PARK7: variants seen among roughly 807,000 people sequenced by gnomAD.
PARK7 encodes the protein Parkinson disease protein 7.
PARK7 carries 14 observed loss-of-function variants against 20.5 expected under a neutral mutation model. That is an observed-to-expected ratio of 0.68 (90% confidence interval 0.45 to 1.07). PARK7 has a LOEUF of 1.07. Among genes scored for constraint, PARK7 ranks in the 50% least tolerant of loss-of-function variants. PARK7 has a pLI of 0.00. For synonymous variants in PARK7, 98 were observed against 84.3 expected (o/e 1.16, Z -0.89); for missense variants, 234 against 238.1 (o/e 0.98, Z 0.11).
At position 7,985,139 on chromosome 1, in the gene PARK7, G is replaced by T; in HGVS notation, c.*85G>T. ...GTTCGCTCTAAACAAAACAGTGGTA[G>T]GTTAATGTGTTCAGAAGTCGCTGTC... On this transcript the variant is annotated 3_prime_UTR_variant, in exon 7 of 7. Transcript: ENST00000338639. The T allele has an allele frequency of 6.5e-7, 1 of 1,535,362 alleles. No homozygotes were observed. Among genetic ancestry groups the T allele is most frequent in the Admixed American group, 1.9e-5 (1 of 51,712 alleles).
At chr1:7,979,782 G>A (rs1640671348) in intron 6 of PARK7, among the ~76,000 whole-genome samples, 1 of 152,210 alleles carries the variant, frequency 6.6e-6, no homozygotes, top group Non-Finnish European at 1.5e-5. Context: ...GATTACAGAT[G>A]TGAGCCACTG....
chr1:7,982,227 T>C (rs1640727434), intron 6 of PARK7, among the ~76,000 whole-genome samples: 1 of 151,580 alleles, frequency 6.6e-6, no homozygotes, highest in Non-Finnish European at 1.5e-5. Context: ...CCTCAGGTGA[T>C]CCACCTGCCT....
rs1418733118 is a variant in PARK7, at chr1:7,965,403, G to C, written c.170G>C (p.Ser57Thr). The change falls in exon 3 of 7, where the codon AGC becomes ACC. Residue 57 changes from serine to threonine, a missense_variant. Transcript: ENST00000338639. ...GATGTGGTCATTTGTCCTGATGCCAGCCTTGAAGATGCAAAAAAAGAGGTT... is the reference window on the plus strand; with the variant it reads ...GATGTGGTCATTTGTCCTGATGCCACCCTTGAAGATGCAAAAAAAGAGGTT... ...SRDVVICPDA[S>T]LEDAKKEGPY... 3.7e-6 allele frequency: 6 copies of C among 1,614,064 alleles called. No homozygotes were observed. The highest frequency in any genetic ancestry group is 2.7e-5 in the African/African-American group (2 of 74,930).
intron 4 of PARK7, 133 bp downstream of exon 4, chr1:7,969,537 T>G: frequency 2.8e-6 from 2 of 724,720 alleles, no homozygotes; most frequent in South Asian, 3.3e-5. Context: ...GAAAAAAAAA[T>G]AGAAACAACT....
chr1:7,970,751 C>T, intron 4 of PARK7, 143 bp from the exon 5 acceptor site: 1 of 783,676 alleles, frequency 1.3e-6, no homozygotes, highest in Non-Finnish European at 2.2e-6. Flanking sequence ...CATTTTTATA[C>T]CAATGATTTA....
intron 5 of PARK7, among the ~76,000 whole-genome samples, chr1:7,972,981 C>T (rs1254240543): frequency 2.6e-5 from 4 of 151,956 alleles, no homozygotes; most frequent in Non-Finnish European, 4.4e-5. Context: ...ACCCGGGCGG[C>T]GGAGGTTGCA....
At chr1:7,969,086 AAGG>A (rs1640394391) in intron 3 of PARK7, 1 of 421,484 alleles carries the variant, frequency 2.4e-6, no homozygotes, top group South Asian at 3.1e-5. Context: ...CTTTTACAGG[AAGG>A]AGATTATACT....
intron 5 of PARK7, among the ~76,000 whole-genome samples, chr1:7,977,406 C>T (rs1640608428): frequency 6.6e-6 from 1 of 152,146 alleles, no homozygotes; most frequent in Non-Finnish European, 1.5e-5. Flanking sequence ...AGAATCGTAG[C>T]TGTATGTTTG....
At chr1:7,969,819 C>T (rs561091260) in intron 4 of PARK7, among the ~76,000 whole-genome samples, 1 of 151,918 alleles carries the variant, frequency 6.6e-6, no homozygotes, top group African/African-American at 2.4e-5. Context: ...ACCTCGTGAT[C>T]CGCCCACCTC....
At chr1:7,983,161 C>G (rs188433897) in intron 6 of PARK7, among the ~76,000 whole-genome samples, 6 of 152,318 alleles carry the variant, frequency 3.9e-5, no homozygotes, top group African/African-American at 1.4e-4. Context: ...CAGACGTTTC[C>G]TAAGCTCCTC....
intron 5 of PARK7, among the ~76,000 whole-genome samples, chr1:7,975,225 A>G (rs1372728100): frequency 6.6e-6 from 1 of 152,208 alleles, no homozygotes; most frequent in Non-Finnish European, 1.5e-5. Context: ...CCTAGTCCTT[A>G]ATATTGAGTG....
At chr1:7,982,486 T>C (rs1031278199) in intron 6 of PARK7, among the ~76,000 whole-genome samples, 2 of 152,206 alleles carry the variant, frequency 1.3e-5, no homozygotes, top group Non-Finnish European at 2.9e-5. Context: ...CGCCACTAGG[T>C]GGAGGCAGTT....
At chr1:7,977,170 C>G (rs948463527) in intron 5 of PARK7, among the ~76,000 whole-genome samples, 1 of 152,140 alleles carries the variant, frequency 6.6e-6, no homozygotes, top group Admixed American at 6.6e-5. Flanking sequence ...TGATCCTCCC[C>G]CTCCTTTGGA....
At chr1:7,967,309 A>G (rs1383841573) in intron 3 of PARK7, among the ~76,000 whole-genome samples, 1 of 151,528 alleles carries the variant, frequency 6.6e-6, no homozygotes, top group Non-Finnish European at 1.5e-5. Flanking sequence ...TTCTTTATGC[A>G]TTCATCTGTT....
chr1:7,966,140 C>T (rs1296914761), intron 3 of PARK7, among the ~76,000 whole-genome samples: 4 of 151,956 alleles, frequency 2.6e-5, no homozygotes, highest in Admixed American at 6.6e-5. Context: ...CTCCGTCGTG[C>T]GGTCAGCGTG....
intron 5 of PARK7, 68 bp downstream of exon 5, chr1:7,971,031 T>C: frequency 6.7e-7 from 1 of 1,501,628 alleles, no homozygotes; most frequent in East Asian, 2.3e-5. Context: ...TTCGATGGTT[T>C]GATTCCAAAT....
chr1:7,969,584 C>CTT (rs35540656), intron 4 of PARK7, among the ~76,000 whole-genome samples, 180 bp downstream of exon 4: 1 of 146,166 alleles, frequency 6.8e-6, no homozygotes, highest in African/African-American at 2.5e-5. Flanking sequence ...TTAACTCAAA[C>CTT]TTTTTTTTTT....
rs544344069 is a variant in PARK7 at position 7,985,117 on chromosome 1, C to T, written c.*63C>T. 2.5e-6 allele frequency: 4 copies of T among 1,576,824 alleles called. No homozygotes were observed. Among genetic ancestry groups the T allele is most frequent in the East Asian group, 2.3e-5 (1 of 43,582 alleles). ...GTTAGGAATCCATTCTCACTGTGTT[C>T]GCTCTAAACAAAACAGTGGTAGGTT... On this transcript the variant is annotated 3_prime_UTR_variant, in exon 7 of 7. Transcript: ENST00000338639.
At chr1:7,970,351 C>T (rs1640438803) in intron 4 of PARK7, among the ~76,000 whole-genome samples, 1 of 152,134 alleles carries the variant, frequency 6.6e-6, no homozygotes, top group Admixed American at 6.6e-5. Context: ...AAATTGTCTA[C>T]TCAAAGTCTT....
Sources: allele counts gnomAD v4.1 joint callset (sites outside exome capture counted in the v4.1 genomes callset), GRCh38; gene constraint gnomAD v4.1.1; transcripts MANE v1.5; gene names NCBI Gene and HGNC (gene_info 2026-07-23, HGNC 2026-07-21).